GPHN: variants seen among roughly 807,000 people sequenced by gnomAD.
GPHN encodes gephyrin.
In GPHN, 17 loss-of-function variants were observed where a neutral mutation model predicts 95.5. That is an observed-to-expected ratio of 0.18 (90% confidence interval 0.12 to 0.27). The LOEUF is 0.27. Among genes scored for constraint, GPHN ranks in the 10% least tolerant of loss-of-function variants. GPHN has a pLI of 1.00. For missense variants in GPHN, 660 were observed against 978.1 expected, an observed-to-expected ratio of 0.67 and a Z score of 4.34; for synonymous variants, 320 against 322.5, an observed-to-expected ratio of 0.99 and a Z score of 0.08.
At chr14:66,522,535 C>A (rs2058523895) in intron 1 of GPHN, among the ~76,000 whole-genome samples, 1 of 152,088 alleles carries the variant, frequency 6.6e-6, no homozygotes, top group African/African-American at 2.4e-5. Context: ...TCTAGTGCTT[C>A]CAAATTTATT....
intron 2 of GPHN, among the ~76,000 whole-genome samples, chr14:66,753,908 C>T (rs1353901343): frequency 6.6e-6 from 1 of 152,072 alleles, no homozygotes; most frequent in East Asian, 1.9e-4. Flanking sequence ...CACAAATCTA[C>T]TTCCTATCAC....
At chr14:67,393,307 T>C in the GPHN span, 2 of 1,051,470 alleles carry the variant, frequency 1.9e-6, no homozygotes, top group Non-Finnish European at 3.0e-6. Flanking sequence ...GGGAGGGTCC[T>C]GAGTCACTGC....
the GPHN span, chr14:67,411,951 C>T: frequency 2.8e-6 from 4 of 1,414,282 alleles, no homozygotes; most frequent in South Asian, 5.1e-5. Flanking sequence ...GCGTCTGGCC[C>T]CGCTCTAGGG....
At chr14:66,956,513 T>A (rs2068515333) in intron 8 of GPHN, among the ~76,000 whole-genome samples, 1 of 151,996 alleles carries the variant, frequency 6.6e-6, no homozygotes, top group Non-Finnish European at 1.5e-5. Flanking sequence ...AGTGTAAAAG[T>A]GTTCCTATTT....
intron 10 of GPHN, among the ~76,000 whole-genome samples, chr14:67,057,928 A>G (rs1269510264): frequency 6.6e-6 from 1 of 152,236 alleles, no homozygotes; most frequent in Non-Finnish European, 1.5e-5. Context: ...GATAAAACCT[A>G]TGTAACTAAA....
chr14:66,646,370 G>A (rs1015831056), intron 1 of GPHN, among the ~76,000 whole-genome samples: 6 of 152,110 alleles, frequency 3.9e-5, no homozygotes, highest in Non-Finnish European at 8.8e-5. Context: ...TGTATTGTTG[G>A]TGGGGATGTA....
At chr14:66,593,391 G>A (rs1332505761) in intron 1 of GPHN, among the ~76,000 whole-genome samples, 2 of 152,028 alleles carry the variant, frequency 1.3e-5, no homozygotes, top group Non-Finnish European at 2.9e-5. Context: ...TGCTTGTGGA[G>A]CCCTCAGGAA....
At chr14:67,284,386 C>G in the GPHN span, among the ~76,000 whole-genome samples, 1 of 142,510 alleles carries the variant, frequency 7.0e-6, no homozygotes, top group African/African-American at 2.7e-5. Flanking sequence ...TCTCTTGAGC[C>G]CAGGAGTTTG....
chr14:67,570,280 A>G, the GPHN span: 1 of 963,376 alleles, frequency 1.0e-6, no homozygotes, highest in Non-Finnish European at 1.2e-6. Flanking sequence ...ACCTTTTCTC[A>G]TGTCTGCCTC....
the GPHN span, among the ~76,000 whole-genome samples, chr14:67,342,605 C>G: frequency 6.7e-6 from 1 of 148,696 alleles, no homozygotes; most frequent in South Asian, 2.1e-4. Flanking sequence ...CAAGGCCTGG[C>G]ACTAGCAAGC....
At chr14:67,338,639 C>T in the GPHN span, 5 of 1,613,888 alleles carry the variant, frequency 3.1e-6, no homozygotes, top group African/African-American at 4.0e-5. Flanking sequence ...ATAGAAGATC[C>T]TCGTCCTTCT....
At chr14:67,488,752 C>T in the GPHN span, 2 of 152,424 alleles carry the variant, frequency 1.3e-5, no homozygotes, top group Non-Finnish European at 2.9e-5. Flanking sequence ...AGACCACATC[C>T]TGCCGGCACA....
intron 22 of GPHN, 123 bp from the exon 23 acceptor site, chr14:67,180,681 G>A (rs1021552352): frequency 2.3e-5 from 20 of 884,594 alleles, no homozygotes; most frequent in Non-Finnish European, 3.7e-5. Context: ...TGGAAAGTTT[G>A]ATCATCCCTT....
the GPHN span, among the ~76,000 whole-genome samples, chr14:67,517,799 C>T: frequency 9.2e-5 from 14 of 152,272 alleles, no homozygotes; most frequent in African/African-American, 3.4e-4. Flanking sequence ...AATTAAGGCT[C>T]AGAGAGGTTG....
rs114486302 is a variant in GPHN at position 66,804,881 on chromosome 14, A to G, written c.202-19593A>G. On this transcript the variant is annotated intron_variant, in intron 3 of 22. Transcript: ENST00000478722. ...CCCAGAAACAGAACTCCTGTATTAT[A>G]TTTTTTAACTGATTATTGCTAGGAT... is the stretch of plus-strand genomic sequence containing the variant. Among the ~76,000 whole-genome samples the G allele has an allele frequency of 3.4e-3, 523 of 152,202 alleles. 2 individuals are homozygous for G. The highest frequency in any genetic ancestry group is 0.012 in the African/African-American group (499 of 41,522).
chr14:66,510,333 A>G (rs2057992809), intron 1 of GPHN, among the ~76,000 whole-genome samples: 1 of 152,224 alleles, frequency 6.6e-6, no homozygotes. Context: ...AGATGTTTAA[A>G]AGTTAAACCG....
the GPHN span, among the ~76,000 whole-genome samples, chr14:67,193,819 C>T: frequency 6.8e-6 from 1 of 147,922 alleles, no homozygotes. Context: ...GTAGCGTGTA[C>T]CTGTAATGCC....
At chr14:66,923,058 A>G in intron 7 of GPHN, 120 bp downstream of exon 7, 2 of 830,778 alleles carry the variant, frequency 2.4e-6, no homozygotes, top group East Asian at 2.5e-5. Flanking sequence ...CCCTAAAAAA[A>G]TAAGTGGGAT....
chr14:66,954,045 A>G (rs573387286), intron 8 of GPHN, among the ~76,000 whole-genome samples: 1 of 152,246 alleles, frequency 6.6e-6, no homozygotes, highest in African/African-American at 2.4e-5. Flanking sequence ...CAAAAAAAAA[A>G]AAAAAAAGGA....
Sources: allele counts gnomAD v4.1 joint callset (sites outside exome capture counted in the v4.1 genomes callset), GRCh38; gene constraint gnomAD v4.1.1; transcripts MANE v1.5; gene names NCBI Gene and HGNC (gene_info 2026-07-23, HGNC 2026-07-21).